Variants in LIPC observed in about 807,000 individuals in gnomAD.
LIPC encodes the protein hepatic triacylglycerol lipase.
In LIPC, 44 loss-of-function variants were observed where a neutral mutation model predicts 50.7. The observed-to-expected ratio is 0.87, with a 90% CI of 0.68 to 1.11. The LOEUF is 1.11. LIPC is among the 50% of genes most tolerant of loss of function. The pLI, the probability that LIPC is intolerant of heterozygous loss-of-function variation, is 0.00. For synonymous variants in LIPC, 271 were observed against 256.4 expected, an observed-to-expected ratio of 1.06 and a Z score of -0.54; for missense variants, 697 against 648.2, an observed-to-expected ratio of 1.08 and a Z score of -0.82.
intron 1 of LIPC, among the ~76,000 whole-genome samples, chr15:58,493,006 G>A (rs573168737): frequency 1.8e-4 from 28 of 152,128 alleles, no homozygotes; most frequent in Non-Finnish European, 2.8e-4. Context: ...AAATCCTGGC[G>A]CCAGGTGCTC....
intron 1 of LIPC, among the ~76,000 whole-genome samples, chr15:58,509,320 C>T (rs1272589712): frequency 3.9e-5 from 6 of 152,150 alleles, no homozygotes; most frequent in Admixed American, 6.5e-5. Context: ...TTAGGTATTC[C>T]GAAACTCTCA....
chr15:58,515,552 A>ATATATATC (rs1321999770), intron 1 of LIPC, among the ~76,000 whole-genome samples: 1 of 150,966 alleles, frequency 6.6e-6, no homozygotes, highest in Non-Finnish European at 1.5e-5. Flanking sequence ...ATATATATAT[A>ATATATATC]TCTCAAAATA....
At chr15:58,452,100 G>T (rs1893920571) in intron 1 of LIPC, among the ~76,000 whole-genome samples, 1 of 152,198 alleles carries the variant, frequency 6.6e-6, no homozygotes, top group Admixed American at 6.5e-5. Context: ...TCAAGGCTGT[G>T]TATGTTGAAT....
At chr15:58,496,743 C>CAAGAAAAAAAAAAAAAAAAAA (rs1891778178) in intron 1 of LIPC, among the ~76,000 whole-genome samples, 1 of 114,180 alleles carries the variant, frequency 8.8e-6, no homozygotes, top group Non-Finnish European at 1.8e-5. Flanking sequence ...TCTTCCCCCT[C>CAAGAAAAAAAAAAAAAAAAAA]AAAAAAAAAA....
intron 6 of LIPC, among the ~76,000 whole-genome samples, chr15:58,554,369 T>C (rs1893862809): frequency 6.6e-6 from 1 of 152,206 alleles, no homozygotes; most frequent in Admixed American, 6.5e-5. Flanking sequence ...TATGTTGTAC[T>C]GGTCTCTTTG....
chr15:58,455,558 T>C lies in LIPC; in HGVS notation c.88+23438T>C, dbSNP rs114203990. ...ATGATTTGATTGAGCAAAGAATTCA[T>C]GTCATTGTTGAATGATTGAGTTTCA... On this transcript the variant is annotated intron_variant, in intron 1 of 8. Coordinates refer to ENST00000299022, the MANE Select transcript of LIPC (RefSeq NM_000236.3). 4.9e-3 allele frequency among the ~76,000 whole-genome samples: 741 copies of C among 152,362 alleles called. 5 individuals carry two copies. The highest frequency in any genetic ancestry group is 0.017 in the African/African-American group (711 of 41,576).
intron 1 of LIPC, among the ~76,000 whole-genome samples, chr15:58,442,322 TAACTG>T (rs1340761980): frequency 2.6e-5 from 4 of 152,226 alleles, no homozygotes; most frequent in African/African-American, 9.6e-5. Flanking sequence ...CCTTTTACCC[TAACTG>T]AACCTTAATT....
At chr15:58,536,474 T>C (rs911173394) in intron 1 of LIPC, among the ~76,000 whole-genome samples, 3 of 152,090 alleles carry the variant, frequency 2.0e-5, no homozygotes, top group South Asian at 4.1e-4. Context: ...GCTGCTGTAA[T>C]AAACCAAGCA....
Position 58,440,827 on chromosome 15 carries a change from C to T in LIPC, c.88+8707C>T, listed in dbSNP as rs568219273. On this transcript the variant is annotated intron_variant, in intron 1 of 8. Transcript: ENST00000299022. ...ACATTGTAAGCAGAGGGAAAAAAAACATGAACCAGCCTTGCTTGACTCAGA... is the reference window on the plus strand; with the variant it reads ...ACATTGTAAGCAGAGGGAAAAAAAATATGAACCAGCCTTGCTTGACTCAGA... 2.0e-5 allele frequency among the ~76,000 whole-genome samples: 3 copies of T among 152,120 alleles called. No individual in the cohort carries two copies. In the East Asian group the frequency reaches 5.8e-4, roughly 29 times the overall value.
At chr15:58,544,250 G>T (rs1024642240) in intron 4 of LIPC, among the ~76,000 whole-genome samples, 2 of 152,102 alleles carry the variant, frequency 1.3e-5, no homozygotes, top group Admixed American at 6.5e-5. Flanking sequence ...CCATCCAACT[G>T]GTGCTGTGGG....
At chr15:58,492,821 G>A (rs1228329973) in intron 1 of LIPC, among the ~76,000 whole-genome samples, 1 of 152,146 alleles carries the variant, frequency 6.6e-6, no homozygotes, top group Non-Finnish European at 1.5e-5. Flanking sequence ...CCATAAACAG[G>A]TGCCTGAGTA....
At chr15:58,439,246 G>A (rs565121063) in intron 1 of LIPC, among the ~76,000 whole-genome samples, 4 of 152,258 alleles carry the variant, frequency 2.6e-5, no homozygotes, top group East Asian at 1.9e-4. Flanking sequence ...ATGTTTATAC[G>A]TCCGTTGAGT....
chr15:58,544,119 C>G (rs1441251633), intron 4 of LIPC, among the ~76,000 whole-genome samples: 1 of 152,168 alleles, frequency 6.6e-6, no homozygotes, highest in Non-Finnish European at 1.5e-5. Context: ...CGGCGTGTGG[C>G]CCCCATGGAT....
intron 1 of LIPC, among the ~76,000 whole-genome samples, chr15:58,537,133 C>T (rs1893150747): frequency 2.0e-5 from 3 of 152,238 alleles, no homozygotes; most frequent in East Asian, 1.9e-4. Flanking sequence ...TCTCCCAGCT[C>T]TTGGCCTGAT....
At chr15:58,478,721 A>T (rs183377094) in intron 1 of LIPC, among the ~76,000 whole-genome samples, 3 of 152,338 alleles carry the variant, frequency 2.0e-5, no homozygotes, top group East Asian at 3.9e-4. Context: ...GAGCACCTTG[A>T]GCTACTAGAA....
chr15:58,486,891 G>A (rs780876855), intron 1 of LIPC, among the ~76,000 whole-genome samples: 4 of 152,202 alleles, frequency 2.6e-5, no homozygotes, highest in Admixed American at 6.5e-5. Context: ...GCCCAAGAGA[G>A]AAGGAAATAA....
chr15:58,539,743 TG>T (rs1893258893), intron 2 of LIPC, among the ~76,000 whole-genome samples: 1 of 152,104 alleles, frequency 6.6e-6, no homozygotes, highest in Admixed American at 6.6e-5. Context: ...TCTAACTGCT[TG>T]TATTAATAGC....
In LIPC at chr15:58,529,216, G is replaced by A. The variant is rs138079938; in HGVS notation, c.89-9117G>A. Among the ~76,000 whole-genome samples the A allele has an allele frequency of 1.1e-4, 16 of 152,306 alleles. No homozygotes were observed. The East Asian group carries it at 2.9e-3, about 28-fold the overall frequency. ...AATTTGCCAATCAAAACAGCGCTTGGCAACTTGACTGTAAGCCAAGATCTC... is the reference window on the plus strand; with the variant it reads ...AATTTGCCAATCAAAACAGCGCTTGACAACTTGACTGTAAGCCAAGATCTC... On this transcript the variant is annotated intron_variant, in intron 1 of 8. Coordinates refer to ENST00000299022, the MANE Select transcript of LIPC (RefSeq NM_000236.3).
At chr15:58,536,264 C>T (rs985355577) in intron 1 of LIPC, among the ~76,000 whole-genome samples, 11 of 152,024 alleles carry the variant, frequency 7.2e-5, no homozygotes. Flanking sequence ...TCCAAAAGGG[C>T]ATTTGGGAAC....
Sources: gnomAD v4.1 joint callset for allele counts (sites outside exome capture counted in the v4.1 genomes callset) on GRCh38, gnomAD v4.1.1 for gene constraint, MANE v1.5 for transcripts, NCBI Gene and HGNC (gene_info 2026-07-23, HGNC 2026-07-21) for gene names.